FNBP1: variants seen among roughly 807,000 people sequenced by gnomAD.
FNBP1 encodes formin-binding protein 1.
In FNBP1, 26 loss-of-function variants were observed where a neutral mutation model predicts 90.6. The ratio of observed to expected loss-of-function variants is 0.29; its 90% CI spans 0.21 to 0.40. The LOEUF (loss-of-function observed/expected upper bound fraction) is 0.40. FNBP1 is among the 10% of genes least tolerant of loss of function. FNBP1 has a pLI of 1.00. For synonymous variants in FNBP1, 260 were observed against 265.2 expected (o/e 0.98, Z 0.19); for missense variants, 635 against 768.0 (o/e 0.83, Z 2.05).
At chr9:130,049,068 C>T in the FNBP1 span, among the ~76,000 whole-genome samples, 1 of 152,248 alleles carries the variant, frequency 6.6e-6, no homozygotes, top group African/African-American at 2.4e-5. Flanking sequence ...CATGAGCCAC[C>T]ACTCCCGGCC....
intron 4 of FNBP1, among the ~76,000 whole-genome samples, chr9:129,978,021 C>CT (rs1005679140): frequency 2.7e-4 from 39 of 145,218 alleles, no homozygotes; most frequent in South Asian, 4.4e-4. Flanking sequence ...AACTTTTTTT[C>CT]TTTTTTTTTT....
chr9:129,977,354 T>C (rs1013174903), intron 4 of FNBP1, among the ~76,000 whole-genome samples: 2 of 152,092 alleles, frequency 1.3e-5, no homozygotes, highest in African/African-American at 4.8e-5. Context: ...AACCTATTTA[T>C]GAAAAGACGA....
At chr9:129,965,060 T>C (rs571757188) in intron 4 of FNBP1, among the ~76,000 whole-genome samples, 3 of 152,292 alleles carry the variant, frequency 2.0e-5, no homozygotes, top group East Asian at 3.9e-4. Context: ...AGCGTAGTAG[T>C]GGGTTTGAAC....
At chr9:129,894,284 T>C (rs969713934) in intron 16 of FNBP1, among the ~76,000 whole-genome samples, 1 of 152,124 alleles carries the variant, frequency 6.6e-6, no homozygotes, top group Non-Finnish European at 1.5e-5. Flanking sequence ...CTGGCAACCA[T>C]CTACGCATGT....
At chr9:129,907,929 G>A (rs1001595667) in intron 12 of FNBP1, among the ~76,000 whole-genome samples, 17 of 151,924 alleles carry the variant, frequency 1.1e-4, no homozygotes, top group South Asian at 2.1e-4. Context: ...GGGTTTCACC[G>A]TGTTAGCCAG....
intron 2 of FNBP1, among the ~76,000 whole-genome samples, chr9:129,992,646 T>A (rs1381275542): frequency 7.1e-6 from 1 of 139,988 alleles, no homozygotes; most frequent in African/African-American, 2.6e-5. Flanking sequence ...CTCTGCCTCC[T>A]GGGCTCAAGC....
chr9:129,993,749 C>T (rs1050311952), intron 2 of FNBP1, among the ~76,000 whole-genome samples: 20 of 151,902 alleles, frequency 1.3e-4, no homozygotes, highest in African/African-American at 4.8e-4. Flanking sequence ...CTCACCCTCC[C>T]AAGTAGCTGG....
chr9:130,010,873 C>G (rs1418365109), intron 1 of FNBP1, among the ~76,000 whole-genome samples: 1 of 150,168 alleles, frequency 6.7e-6, no homozygotes, highest in East Asian at 2.0e-4. Flanking sequence ...GAGTAGGGAA[C>G]AGTAGAGTGC....
intron 2 of FNBP1, among the ~76,000 whole-genome samples, chr9:129,986,177 T>C (rs755932206): frequency 2.0e-5 from 3 of 151,722 alleles, no homozygotes; most frequent in African/African-American, 4.8e-5. Flanking sequence ...GTGAAAGATA[T>C]GACAGGTAAT....
In FNBP1 at chr9:129,901,710, G is replaced by A. The variant is rs183058678; in HGVS notation, c.1428+1159C>T. Among the ~76,000 whole-genome samples the A allele has an allele frequency of 6.1e-3, 925 of 151,748 alleles. 5 individuals are homozygous for A. The highest frequency in any genetic ancestry group is 0.024 in the Middle Eastern group (7 of 294). On this transcript the variant is annotated intron_variant, in intron 13 of 16. Coordinates refer to ENST00000446176, the MANE Select transcript of FNBP1 (RefSeq NM_015033.3). ...GTGGAGCATCTGAGGTCAGGAGTTC[G>A]AGACCAGCCTGGCCAACATGGCAAA...
chr9:129,941,640 T>G (rs2044340735), intron 6 of FNBP1, among the ~76,000 whole-genome samples: 1 of 152,128 alleles, frequency 6.6e-6, no homozygotes, highest in Admixed American at 6.6e-5. Context: ...TGACTTTTCA[T>G]TTTTTGTAGA....
chr9:129,931,384 A>C (rs2132077836), intron 6 of FNBP1, among the ~76,000 whole-genome samples: 1 of 152,100 alleles, frequency 6.6e-6, no homozygotes, highest in African/African-American at 2.4e-5. Context: ...TGGGCAGATC[A>C]CAAGATCAGG....
At chr9:129,937,373 A>G (rs2043635406) in intron 6 of FNBP1, among the ~76,000 whole-genome samples, 1 of 152,228 alleles carries the variant, frequency 6.6e-6, no homozygotes, top group South Asian at 2.1e-4. Flanking sequence ...AGCTATGTAT[A>G]TCCTGTTTTA....
chr9:129,999,525 G>C (rs760673287), intron 1 of FNBP1, among the ~76,000 whole-genome samples: 5 of 151,838 alleles, frequency 3.3e-5, no homozygotes, highest in African/African-American at 4.8e-5. Context: ...TTGAACCTGG[G>C]AGGGAGAGGT....
Position 129,925,000 on chromosome 9 carries a change from T to G in FNBP1, c.947A>C (p.Lys316Thr). ...GAACGGCCATAACTTTCCTTTGGAT[T>G]TGCCACCAAATTTGAGGTCTGGTTT... is the stretch of plus-strand genomic sequence containing the variant. ...EGKPDLKFGGKSKGKLWPFIK... is the reference protein window; with the variant it reads ...EGKPDLKFGGTSKGKLWPFIK... Residue 316 changes from lysine to threonine, a missense_variant, in exon 9 of 17, where the codon AAA becomes ACA. Physicochemically the swap from Lys to Thr is moderately conservative, Grantham distance 78. Coordinates refer to ENST00000446176, the MANE Select transcript of FNBP1 (RefSeq NM_015033.3). The G allele has an allele frequency of 6.2e-7, 1 of 1,613,894 alleles. No individual in the cohort carries two copies. The highest frequency in any genetic ancestry group is 8.5e-7 in the Non-Finnish European group (1 of 1,179,858).
At chr9:129,936,312 T>G (rs1252432177) in intron 6 of FNBP1, 1 of 152,166 alleles carries the variant, frequency 6.6e-6, no homozygotes, top group Admixed American at 6.5e-5. Context: ...TTTATTCCCT[T>G]TCCTCTAAGA....
At chr9:129,953,999 T>A (rs2046558311) in intron 6 of FNBP1, among the ~76,000 whole-genome samples, 1 of 151,796 alleles carries the variant, frequency 6.6e-6, no homozygotes. Context: ...GGCAACATAG[T>A]GAGATCCCAT....
intron 6 of FNBP1, among the ~76,000 whole-genome samples, chr9:129,955,678 A>G (rs1452394257): frequency 1.3e-5 from 2 of 151,890 alleles, no homozygotes; most frequent in African/African-American, 4.8e-5. Flanking sequence ...CCAAGATCAC[A>G]CCACTGCACT....
At chr9:130,036,935 C>T (rs2059368786) in intron 1 of FNBP1, among the ~76,000 whole-genome samples, 1 of 151,780 alleles carries the variant, frequency 6.6e-6, no homozygotes. Flanking sequence ...GTCCCAGCTA[C>T]TCGGGAGGCT....
Sources: allele counts gnomAD v4.1 joint callset (sites outside exome capture counted in the v4.1 genomes callset), GRCh38; gene constraint gnomAD v4.1.1; transcripts MANE v1.5; gene names NCBI Gene and HGNC (gene_info 2026-07-23, HGNC 2026-07-21).